The following FOXP1 variants were observed in gnomAD, a reference collection of about 807,000 sequenced individuals.
FOXP1 encodes the protein forkhead box P1.
A neutral mutation model predicts 98.2 loss-of-function variants in FOXP1; 15 were observed. That is an observed-to-expected ratio of 0.15 (90% CI 0.10 to 0.24). FOXP1 has a LOEUF of 0.24. Ranked by LOEUF, FOXP1 falls within the 10% of genes least tolerant of loss-of-function variation. FOXP1 has a pLI of 1.00. For missense variants in FOXP1, 633 were observed against 848.5 expected (o/e 0.75, Z 3.15); for synonymous variants, 371 against 314.5 (o/e 1.18, Z -1.90).
intron 5 of FOXP1, among the ~76,000 whole-genome samples, chr3:71,293,499 A>C (rs1031281666): frequency 1.3e-5 from 2 of 151,668 alleles, no homozygotes; most frequent in Non-Finnish European, 2.9e-5. Flanking sequence ...AAAAAGATAG[A>C]TAAAACCATT....
chr3:71,122,786 G>A (rs974386255), intron 6 of FOXP1, among the ~76,000 whole-genome samples: 1 of 152,122 alleles, frequency 6.6e-6, no homozygotes, highest in Non-Finnish European at 1.5e-5. Context: ...GAGTGGCTAG[G>A]ATGGAAAAAC....
intron 2 of FOXP1, among the ~76,000 whole-genome samples, chr3:71,533,518 G>A (rs1433598553): frequency 1.3e-5 from 2 of 152,130 alleles, no homozygotes; most frequent in African/African-American, 4.8e-5. Context: ...GAAAGCTTCT[G>A]TTCTACAGTA....
intron 13 of FOXP1, among the ~76,000 whole-genome samples, chr3:70,994,269 A>C (rs1481870828): frequency 2.0e-5 from 3 of 151,232 alleles, no homozygotes; most frequent in African/African-American, 7.3e-5. Context: ...GGGTGACCCA[A>C]CTCCTCCCAG....
At chr3:71,245,957 G>A (rs1159912784) in intron 5 of FOXP1, among the ~76,000 whole-genome samples, 3 of 150,014 alleles carry the variant, frequency 2.0e-5, no homozygotes, top group Non-Finnish European at 4.4e-5. Context: ...ACAATAAAAA[G>A]TAAGGCTGCT....
At chr3:71,386,570 G>A (rs1363887263) in intron 3 of FOXP1, among the ~76,000 whole-genome samples, 4 of 151,890 alleles carry the variant, frequency 2.6e-5, no homozygotes, top group South Asian at 2.1e-4. Context: ...GTGAAACCCC[G>A]TCTCTACTAA....
chr3:71,583,936 G>A, upstream of FOXP1: 1 of 972,454 alleles, frequency 1.0e-6, no homozygotes, highest in Non-Finnish European at 1.2e-6. Flanking sequence ...GCGGCCCCCC[G>A]AGCGGGAGCG....
At chr3:71,413,001 A>G (rs534822917) in intron 3 of FOXP1, among the ~76,000 whole-genome samples, 1 of 152,136 alleles carries the variant, frequency 6.6e-6, no homozygotes, top group Admixed American at 6.5e-5. Flanking sequence ...TCTGATGTAC[A>G]GGAATGACTG....
At chr3:71,508,745 C>T (rs2042001194) in intron 2 of FOXP1, among the ~76,000 whole-genome samples, 1 of 152,148 alleles carries the variant, frequency 6.6e-6, no homozygotes, top group Admixed American at 6.5e-5. Context: ...CCTCTCTGGC[C>T]CCCAACCTCC....
At chr3:71,083,284 A>T (rs758836191) in intron 7 of FOXP1, among the ~76,000 whole-genome samples, 12 of 152,076 alleles carry the variant, frequency 7.9e-5, no homozygotes, top group Non-Finnish European at 1.3e-4. Flanking sequence ...GCCATGTGAC[A>T]TGCTGGCTCC....
intron 5 of FOXP1, among the ~76,000 whole-genome samples, chr3:71,217,450 T>G (rs891742262): frequency 1.3e-5 from 2 of 152,218 alleles, no homozygotes; most frequent in African/African-American, 4.8e-5. Flanking sequence ...ATTTATTATG[T>G]TCCTTAAAAC....
At chr3:71,167,607 C>T (rs1330619412) in intron 6 of FOXP1, among the ~76,000 whole-genome samples, 1 of 152,148 alleles carries the variant, frequency 6.6e-6, no homozygotes, top group Non-Finnish European at 1.5e-5. Context: ...CACTGTGTGT[C>T]AGTGTCAATA....
At chr3:71,471,706 A>C (rs974104036) in intron 3 of FOXP1, among the ~76,000 whole-genome samples, 1 of 152,226 alleles carries the variant, frequency 6.6e-6, no homozygotes, top group Non-Finnish European at 1.5e-5. Context: ...CCACCCTGAA[A>C]GCCATACCTT....
intron 6 of FOXP1, among the ~76,000 whole-genome samples, chr3:71,189,002 G>A (rs2062814525): frequency 6.6e-6 from 1 of 152,142 alleles, no homozygotes; most frequent in East Asian, 1.9e-4. Context: ...CCACATGGAA[G>A]GACTAAAGAG....
At chr3:70,964,480 C>T (rs558806248) in intron 20 of FOXP1, among the ~76,000 whole-genome samples, 1 of 152,320 alleles carries the variant, frequency 6.6e-6, no homozygotes, top group Non-Finnish European at 1.5e-5. Flanking sequence ...GCATCACTTC[C>T]ATTCAATAAC....
At chr3:71,324,493 A>G (rs1399405222) in intron 4 of FOXP1, among the ~76,000 whole-genome samples, 3 of 152,216 alleles carry the variant, frequency 2.0e-5, no homozygotes, top group Non-Finnish European at 2.9e-5. Flanking sequence ...GGAAATCATC[A>G]TTCTGAACAA....
chr3:70,959,648 C>T (rs184288896), intron 20 of FOXP1, among the ~76,000 whole-genome samples: 352 of 152,344 alleles, frequency 2.3e-3, no homozygotes, highest in Middle Eastern at 6.8e-3. Flanking sequence ...CTGGCCAGCA[C>T]AGAGACAGAC....
At chr3:70,967,974 C>T (rs1271035872) in intron 19 of FOXP1, among the ~76,000 whole-genome samples, 1 of 152,070 alleles carries the variant, frequency 6.6e-6, no homozygotes, top group African/African-American at 2.4e-5. Context: ...CTGATATGAA[C>T]GTGTTCATTG....
intron 7 of FOXP1, among the ~76,000 whole-genome samples, chr3:71,062,021 C>G (rs1447814514): frequency 6.6e-6 from 1 of 152,100 alleles, no homozygotes; most frequent in Non-Finnish European, 1.5e-5. Context: ...TGGAGGTTGG[C>G]TGAAAAGTTG....
chr3:71,454,701 G>C (rs2087286149), intron 3 of FOXP1, among the ~76,000 whole-genome samples: 1 of 152,030 alleles, frequency 6.6e-6, no homozygotes, highest in African/African-American at 2.4e-5. Context: ...GCTCTTGATG[G>C]GGAGATGGTA....
Sources: gnomAD v4.1 joint callset for allele counts (sites outside exome capture counted in the v4.1 genomes callset) on GRCh38, gnomAD v4.1.1 for gene constraint, MANE v1.5 for transcripts, NCBI Gene and HGNC (gene_info 2026-07-23, HGNC 2026-07-21) for gene names.